The following IMPG2 variants were observed in gnomAD, a reference collection of about 807,000 sequenced individuals.
The protein encoded by IMPG2 is interphotoreceptor matrix proteoglycan 2.
Under a neutral mutation model 129.2 loss-of-function variants are expected in IMPG2, and 91 were observed. That is an observed-to-expected ratio of 0.70 (90% CI 0.59 to 0.84). The LOEUF (loss-of-function observed/expected upper bound fraction) is 0.84, where lower values mean the gene tolerates loss of function less well. Ranked by LOEUF, IMPG2 falls within the 40% of genes least tolerant of loss-of-function variation. The pLI, the probability that IMPG2 is intolerant of heterozygous loss-of-function variation, is 0.00. For synonymous variants in IMPG2, 510 were observed against 517.7 expected (o/e 0.99, Z 0.20); for missense variants, 1,430 against 1,461.7 (o/e 0.98, Z 0.35).
intron 4 of IMPG2, among the ~76,000 whole-genome samples, chr3:101,286,167 G>A (rs1706943891): frequency 6.6e-6 from 1 of 151,924 alleles, no homozygotes; most frequent in African/African-American, 2.4e-5. Flanking sequence ...ATTAATACAA[G>A]TAATAAAGTA....
At chr3:101,275,839 C>G in intron 5 of IMPG2, 94 bp from the exon 6 acceptor site, 2 of 908,102 alleles carry the variant, frequency 2.2e-6, no homozygotes, top group Middle Eastern at 2.2e-4. Flanking sequence ...AAAAACCATT[C>G]CTATAAATAG....
At chr3:101,251,707 CT>C (rs547831670) in intron 11 of IMPG2, among the ~76,000 whole-genome samples, 47 of 151,350 alleles carry the variant, frequency 3.1e-4, no homozygotes, top group African/African-American at 1.5e-4. Flanking sequence ...TCTAAAATAA[CT>C]TTTTTTTTAA....
chr3:101,243,687 A>C lies in IMPG2; in HGVS notation c.2644T>G (p.Trp882Gly), dbSNP rs866279227. 6.2e-7 allele frequency: 1 copy of C among 1,614,126 alleles called. No individual in the cohort carries two copies. The highest frequency in any genetic ancestry group is 1.1e-5 in the South Asian group (1 of 91,082). Reference protein sequence around the residue: ...VHSTEMVSVAWPTEGGDDLSY... With the variant: ...VHSTEMVSVAGPTEGGDDLSY... The stretch of plus-strand genomic sequence containing the variant: ...AAGTCATCTCCTCCTTCTGTGGGCC[A>C]AGCCACACTAACCATCTCTGTGGAG... The change falls in exon 13 of 19, where the codon TGG becomes GGG. Residue 882 changes from tryptophan (W) to glycine (G), a missense_variant. Trp to Gly is a radical substitution (Grantham distance 184). Coordinates refer to ENST00000193391, the MANE Select transcript of IMPG2 (RefSeq NM_016247.4).
chr3:101,283,018 T>G (rs472751), intron 4 of IMPG2, among the ~76,000 whole-genome samples: 139,238 of 152,192 alleles, frequency 0.91, 63,750 homozygotes, highest in East Asian at 1. Context: ...TTTTTATTAG[T>G]TTACTTTTTG....
chr3:101,297,758 G>A (rs1178064691), intron 3 of IMPG2, among the ~76,000 whole-genome samples: 4 of 152,226 alleles, frequency 2.6e-5, no homozygotes, highest in Non-Finnish European at 5.9e-5. Flanking sequence ...ACTGTGGTCT[G>A]TGAGACTATT....
intron 14 of IMPG2, among the ~76,000 whole-genome samples, chr3:101,237,798 C>T (rs547467222): frequency 1.3e-5 from 2 of 152,194 alleles, no homozygotes; most frequent in South Asian, 2.1e-4. Flanking sequence ...ATTCCAAAAA[C>T]GAGAATGCCT....
Position 101,243,919 on chromosome 3 carries a change from A to T in IMPG2, c.2412T>A (p.Ser804Arg). ...TCACAGATAACCAGAGCCTGTCAGCACTCTGTGGTGTACTTGCCAATATGT... is the reference window on the plus strand; with the variant it reads ...TCACAGATAACCAGAGCCTGTCAGCTCTCTGTGGTGTACTTGCCAATATGT... Reference protein sequence around the residue: ...SRDILASTPQSADRLWLSVTQ... With the variant: ...SRDILASTPQRADRLWLSVTQ... The change falls in exon 13 of 19, where the codon AGT (serine) becomes AGA (arginine). Residue 804 changes from serine to arginine, a missense_variant. By Grantham distance (110) the Ser-to-Arg change is moderately radical. Transcript: ENST00000193391. 6.2e-7 allele frequency: 1 copy of T among 1,614,106 alleles called. No individual in the cohort carries two copies. Among genetic ancestry groups the T allele is most frequent in the Non-Finnish European group, 8.5e-7 (1 of 1,179,994 alleles).
At chr3:101,304,386 T>C (rs1196694173) in intron 2 of IMPG2, 74 bp from the exon 3 acceptor site, 1 of 1,347,578 alleles carries the variant, frequency 7.4e-7, no homozygotes. Context: ...ATAGACTGAT[T>C]CGTACAGATT....
chr3:101,275,205 C>A (rs1706827905), intron 6 of IMPG2, among the ~76,000 whole-genome samples: 1 of 152,066 alleles, frequency 6.6e-6, no homozygotes, highest in Admixed American at 6.5e-5. Context: ...GATAGAGACT[C>A]ACCTATAGGA....
chr3:101,246,808 A>C (rs952376105), intron 11 of IMPG2, among the ~76,000 whole-genome samples: 2 of 152,194 alleles, frequency 1.3e-5, no homozygotes, highest in African/African-American at 2.4e-5. Flanking sequence ...TGTCTATGTA[A>C]ATGTACAATG....
chr3:101,228,733 A>G, intron 18 of IMPG2, 64 bp downstream of exon 18: 1 of 1,242,518 alleles, frequency 8.0e-7, no homozygotes, highest in South Asian at 1.2e-5. Flanking sequence ...CTCAGGTGTG[A>G]CATTACTCTA....
intron 9 of IMPG2, among the ~76,000 whole-genome samples, chr3:101,263,367 C>A (rs1706690455): frequency 6.6e-6 from 1 of 151,796 alleles, no homozygotes; most frequent in African/African-American, 2.4e-5. Flanking sequence ...CTTACCTGAC[C>A]ACAATGGAAT....
Position 101,243,695 on chromosome 3 carries a change from C to G in IMPG2, c.2636G>C (p.Ser879Thr), listed in dbSNP as rs774965996. ...TCCTCCTTCTGTGGGCCAAGCCACA[C>G]TAACCATCTCTGTGGAGTGAACACT... Reference protein sequence around the residue: ...STSVHSTEMVSVAWPTEGGDD... With the variant: ...STSVHSTEMVTVAWPTEGGDD... The change falls in exon 13 of 19, where the codon AGT (serine) becomes ACT (threonine). Residue 879 changes from serine to threonine, a missense_variant. By Grantham distance (58) the Ser-to-Thr change is moderately conservative (BLOSUM62 1). Transcript: ENST00000193391. The G allele has an allele frequency of 6.2e-7, 1 of 1,614,120 alleles. No homozygotes were observed. The highest frequency in any genetic ancestry group is 1.7e-5 in the Admixed American group (1 of 59,996).
rs1407927962 is a variant in IMPG2, at chr3:101,319,697, T to C, written c.221A>G (p.Gln74Arg). 5 of 1,613,634 alleles carry C rather than the reference T, an allele frequency of 3.1e-6. No homozygotes were observed. The highest frequency in any genetic ancestry group is 4.2e-6 in the Non-Finnish European group (5 of 1,179,836). Residue 74 changes from glutamine to arginine, a missense_variant, in exon 2 of 19, where the codon CAG (glutamine) becomes CGG (arginine). Gln to Arg is a conservative substitution (Grantham distance 43). Coordinates refer to ENST00000193391, the MANE Select transcript of IMPG2 (RefSeq NM_016247.4). Reference sequence around the variant, plus strand: ...AGATCTCCGCCTTCTGATTAACCACTGTCTTTCAGTTTCTCTGCGGTCCAG... The same window carrying C: ...AGATCTCCGCCTTCTGATTAACCACCGTCTTTCAGTTTCTCTGCGGTCCAG... ...QPLDRRETER[Q>R]WLIRRRRSIL...
chr3:101,304,337 T>C (rs775953640), intron 2 of IMPG2, 25 bp from the exon 3 acceptor site: 1 of 1,608,224 alleles, frequency 6.2e-7, no homozygotes, highest in East Asian at 2.2e-5. Flanking sequence ...GGTGTTTTTT[T>C]ACAAAAAGCT....
At chr3:101,235,619 G>A (rs1017030476) in intron 14 of IMPG2, among the ~76,000 whole-genome samples, 1 of 152,184 alleles carries the variant, frequency 6.6e-6, no homozygotes, top group Non-Finnish European at 1.5e-5. Context: ...TAAATAAAAG[G>A]CTGTGGTTTC....
intron 9 of IMPG2, among the ~76,000 whole-genome samples, chr3:101,259,471 A>C (rs995531235): frequency 2.0e-5 from 3 of 151,554 alleles, no homozygotes; most frequent in African/African-American, 7.3e-5. Flanking sequence ...TTGTACAAAG[A>C]TTTTGTTCAC....
At chr3:101,311,707 C>T (rs984000572) in intron 2 of IMPG2, among the ~76,000 whole-genome samples, 2 of 152,052 alleles carry the variant, frequency 1.3e-5, no homozygotes, top group African/African-American at 4.8e-5. Context: ...AAACTGACAA[C>T]CTTACTATAA....
chr3:101,280,122 A>G (rs1706877489), intron 4 of IMPG2, among the ~76,000 whole-genome samples: 1 of 152,198 alleles, frequency 6.6e-6, no homozygotes, highest in African/African-American at 2.4e-5. Context: ...ACAACCCCTT[A>G]CTATCTCCTC....
Sources: allele counts gnomAD v4.1 joint callset (sites outside exome capture counted in the v4.1 genomes callset), GRCh38; gene constraint gnomAD v4.1.1; transcripts MANE v1.5; gene names NCBI Gene and HGNC (gene_info 2026-07-23, HGNC 2026-07-21).